The following SEL1L2 variants were observed in gnomAD, a reference collection of about 807,000 sequenced individuals.
The protein encoded by SEL1L2 is protein sel-1 homolog 2.
Under a neutral mutation model 98.8 loss-of-function variants are expected in SEL1L2, and 89 were observed. The ratio of observed to expected loss-of-function variants is 0.90; its 90% CI spans 0.76 to 1.07. The LOEUF is 1.07. Among genes scored for constraint, SEL1L2 ranks in the 50% least tolerant of loss-of-function variants. The pLI is 0.00. For missense variants in SEL1L2, 788 were observed against 812.0 expected, an observed-to-expected ratio of 0.97 and a Z score of 0.36; for synonymous variants, 262 against 278.5, an observed-to-expected ratio of 0.94 and a Z score of 0.59.
chr20:13,862,622 A>G (rs1046803815), intron 17 of SEL1L2, among the ~76,000 whole-genome samples: 20 of 152,132 alleles, frequency 1.3e-4, no homozygotes, highest in Admixed American at 7.2e-4. Context: ...AAGATGTAAT[A>G]CCATGAGCCT....
chr20:13,875,991 A>G (rs1323453557), intron 12 of SEL1L2, 47 bp downstream of exon 12: 10 of 1,437,604 alleles, frequency 7.0e-6, no homozygotes, highest in Non-Finnish European at 9.8e-6. Context: ...GCGTGTAATA[A>G]AAGCAATTTG....
At chr20:13,994,410 TG>T (rs1569103782), upstream of SEL1L2, among the ~76,000 whole-genome samples, 1 of 152,130 alleles carries the variant, frequency 6.6e-6, no homozygotes, top group East Asian at 1.9e-4. Context: ...CAATTCTTTT[TG>T]GGGCCTCCCC....
At chr20:13,886,200 G>A (rs1398449224) in intron 9 of SEL1L2, 88 bp downstream of exon 9, 13 of 905,046 alleles carry the variant, frequency 1.4e-5, no homozygotes, top group Non-Finnish European at 2.0e-5. Flanking sequence ...TTAGGATGGG[G>A]CATTGTTCAT....
At position 13,957,776 on chromosome 20, in the gene SEL1L2, G is replaced by T. The variant is rs543864009; in HGVS notation, c.59-1645C>A. 8.8e-4 allele frequency among the ~76,000 whole-genome samples: 134 copies of T among 152,240 alleles called. 1 individual carries two copies. Among genetic ancestry groups the T allele is most frequent in the Middle Eastern group, 3.4e-3 (1 of 294 alleles). ...ACCTGAAATCCAAGCTACTTAGGAG[G>T]CTTAGGTGGGAGGATCATTGAGCCC... On this transcript the variant is annotated intron_variant, in intron 1 of 19. Coordinates refer to ENST00000284951, the MANE Select transcript of SEL1L2 (RefSeq NM_025229.2).
intron 5 of SEL1L2, among the ~76,000 whole-genome samples, chr20:13,906,851 G>C (rs1296623742): frequency 6.6e-6 from 1 of 151,960 alleles, no homozygotes; most frequent in Admixed American, 6.6e-5. Context: ...GCTAATTTTT[G>C]TATTTTTAGT....
At chr20:13,880,618 A>G (rs972813468) in intron 10 of SEL1L2, among the ~76,000 whole-genome samples, 9 of 152,030 alleles carry the variant, frequency 5.9e-5, no homozygotes, top group Non-Finnish European at 1.2e-4. Flanking sequence ...CCATCCATCC[A>G]TCCATCCATC....
chr20:13,907,177 A>C (rs965591628), intron 5 of SEL1L2, among the ~76,000 whole-genome samples: 8 of 152,242 alleles, frequency 5.3e-5, no homozygotes, highest in Non-Finnish European at 1.2e-4. Context: ...TATGTAACCA[A>C]GGAAGTGTAT....
chr20:13,907,657 A>G (rs1215972680), intron 5 of SEL1L2, among the ~76,000 whole-genome samples: 2 of 152,084 alleles, frequency 1.3e-5, no homozygotes, highest in African/African-American at 4.8e-5. Context: ...GGGCAATACA[A>G]TGCAAATGAG....
At chr20:13,864,139 G>A (rs148450651) in intron 17 of SEL1L2, among the ~76,000 whole-genome samples, 23 of 152,136 alleles carry the variant, frequency 1.5e-4, no homozygotes, top group African/African-American at 3.6e-4. Context: ...GAGAGATTGC[G>A]GGTATTGTTT....
At chr20:13,958,611 C>T (rs548775500) in intron 1 of SEL1L2, among the ~76,000 whole-genome samples, 76 of 152,190 alleles carry the variant, frequency 5.0e-4, no homozygotes, top group Admixed American at 2.4e-3. Context: ...GAACTGCTAA[C>T]GAACGCACAG....
At chr20:13,884,359 T>C (rs2046848679) in intron 10 of SEL1L2, among the ~76,000 whole-genome samples, 1 of 152,098 alleles carries the variant, frequency 6.6e-6, no homozygotes, top group South Asian at 2.1e-4. Flanking sequence ...TGTAGGGCCT[T>C]GAAACCACTA....
chr20:13,859,135 G>T, intron 18 of SEL1L2, 127 bp downstream of exon 18: 2 of 813,520 alleles, frequency 2.5e-6, no homozygotes, highest in East Asian at 2.6e-5. Flanking sequence ...GGATGGATTT[G>T]GCAAATGTTA....
chr20:13,877,963 A>C (rs1170709408), intron 10 of SEL1L2, among the ~76,000 whole-genome samples: 1 of 152,194 alleles, frequency 6.6e-6, no homozygotes, highest in African/African-American at 2.4e-5. Flanking sequence ...TGTGTACTTA[A>C]TGAGGTTTTA....
intron 5 of SEL1L2, among the ~76,000 whole-genome samples, chr20:13,904,176 T>C (rs1324913705): frequency 6.6e-6 from 1 of 152,224 alleles, no homozygotes; most frequent in Non-Finnish European, 1.5e-5. Flanking sequence ...AGCTCTAACA[T>C]GCAGTTTATA....
intron 5 of SEL1L2, among the ~76,000 whole-genome samples, chr20:13,893,913 CAT>C (rs2047315457): frequency 6.6e-6 from 1 of 152,066 alleles, no homozygotes; most frequent in Non-Finnish European, 1.5e-5. Context: ...AACAAAATGA[CAT>C]ATTCTTGAGC....
chr20:13,966,875 C>G (rs1461390732), intron 1 of SEL1L2, among the ~76,000 whole-genome samples: 1 of 117,582 alleles, frequency 8.5e-6, no homozygotes, highest in Non-Finnish European at 1.7e-5. Flanking sequence ...TACCAGAGAC[C>G]TGTCTTTTTT....
At chr20:13,981,327 G>C (rs1311014309) in intron 1 of SEL1L2, among the ~76,000 whole-genome samples, 1 of 152,140 alleles carries the variant, frequency 6.6e-6, no homozygotes, top group Non-Finnish European at 1.5e-5. Flanking sequence ...AATGGGGAGA[G>C]GTTGGTCAAA....
intron 1 of SEL1L2, among the ~76,000 whole-genome samples, chr20:13,977,828 TA>T (rs1364068814): frequency 6.6e-6 from 1 of 152,104 alleles, no homozygotes; most frequent in African/African-American, 2.4e-5. Context: ...TACTAAAAAT[TA>T]TAAAAATTTG....
Position 13,886,358 on chromosome 20 carries a change from C to G in SEL1L2, c.830G>C (p.Ser277Thr), listed in dbSNP as rs2046956415. Reference protein sequence around the residue: ...TERPENLSSNSEILDWDIYQY... With the variant: ...TERPENLSSNTEILDWDIYQY... ...GTATATGTCCCAATCCAAAATCTCA[C>G]TGTTAGAACTCAGATTTTCAGGTCT... Residue 277 changes from serine to threonine, a missense_variant, in exon 9 of 20, where the codon AGT (serine) becomes ACT (threonine). Physicochemically the swap from Ser to Thr is moderately conservative, Grantham distance 58 (BLOSUM62 1). Transcript: ENST00000284951. The G allele has an allele frequency of 6.2e-7, 1 of 1,613,210 alleles. No homozygotes were observed. Among genetic ancestry groups the G allele is most frequent in the African/African-American group, 1.3e-5 (1 of 74,914 alleles).
Sources: allele counts gnomAD v4.1 joint callset (sites outside exome capture counted in the v4.1 genomes callset), GRCh38; gene constraint gnomAD v4.1.1; transcripts MANE v1.5; gene names NCBI Gene and HGNC (gene_info 2026-07-23, HGNC 2026-07-21).